BFSP1: variants seen among roughly 807,000 people sequenced by gnomAD.
BFSP1 encodes filensin.
In BFSP1, 38 loss-of-function variants were observed where a neutral mutation model predicts 43.9. The ratio of observed to expected loss-of-function variants is 0.87; its 90% CI spans 0.67 to 1.14. The LOEUF (loss-of-function observed/expected upper bound fraction) is 1.14. BFSP1 is among the 50% of genes most tolerant of loss of function. BFSP1 has a pLI of 0.00. For missense variants in BFSP1, 850 were observed against 875.1 expected (o/e 0.97, Z 0.36); for synonymous variants, 352 against 354.8 (o/e 0.99, Z 0.09).
intron 7 of BFSP1, 85 bp from the exon 8 acceptor site, chr20:17,495,114 T>G: frequency 7.6e-7 from 1 of 1,323,312 alleles, no homozygotes; most frequent in Non-Finnish European, 1.0e-6. Context: ...AGGCTAACTC[T>G]CTCGGAAACA....
chr20:17,562,740 G>A (rs1040328048), upstream of BFSP1, among the ~76,000 whole-genome samples: 11 of 152,110 alleles, frequency 7.2e-5, no homozygotes, highest in Admixed American at 2.0e-4. Flanking sequence ...CTACCATAAC[G>A]ACTAATAGAG....
In BFSP1 at chr20:17,567,256, T is replaced by C. The variant is rs114872925; in HGVS notation, n.50+1915A>G. On this transcript the variant is annotated intron_variant and non_coding_transcript_variant, in intron 1 of 6. Transcript: ENST00000473415. ...AAACTGATATATAAGTTTGATAAAT[T>C]GTAAAACATCTTCAGATACTGGTTC... Among the ~76,000 whole-genome samples, 154 of 152,296 alleles carry C rather than the reference T, an allele frequency of 1.0e-3. 1 individual carries two copies. Among genetic ancestry groups the C allele is most frequent in the African/African-American group, 3.4e-3 (142 of 41,558 alleles).
intron 4 of BFSP1, among the ~76,000 whole-genome samples, chr20:17,509,558 C>T (rs2034026099): frequency 6.6e-6 from 1 of 152,042 alleles, no homozygotes; most frequent in Non-Finnish European, 1.5e-5. Context: ...GAGCTTAGAC[C>T]TGGCTGTGCC....
intron 1 of BFSP1, among the ~76,000 whole-genome samples, chr20:17,529,185 G>T (rs2034482965): frequency 6.6e-6 from 1 of 151,810 alleles, no homozygotes; most frequent in Non-Finnish European, 1.5e-5. Flanking sequence ...TGATTCTCCT[G>T]CCTCAGCCTC....
rs575802970 is a variant in BFSP1 at position 17,522,837 on chromosome 20, C to T, written c.438+2011G>A. Among the ~76,000 whole-genome samples, 9 of 152,250 alleles carry T rather than the reference C, an allele frequency of 5.9e-5. No homozygotes were observed. The South Asian group carries it at 1.5e-3, about 25-fold the overall frequency. On this transcript the variant is annotated intron_variant, in intron 2 of 7. Coordinates refer to ENST00000377873, the MANE Select transcript of BFSP1 (RefSeq NM_001195.5). ...GATTCCATTTCACAGATGAAAAAACCGAGGCTCAGAGGGACAAGGCAATTG... is the reference window on the plus strand; with the variant it reads ...GATTCCATTTCACAGATGAAAAAACTGAGGCTCAGAGGGACAAGGCAATTG...
At chr20:17,535,871 T>G (rs1176425411), upstream of BFSP1, among the ~76,000 whole-genome samples, 1 of 152,198 alleles carries the variant, frequency 6.6e-6, no homozygotes, top group African/African-American at 2.4e-5. Flanking sequence ...GAGAATGGCT[T>G]AGCAAACTGC....
intron 5 of BFSP1, among the ~76,000 whole-genome samples, chr20:17,505,322 C>T (rs1047611303): frequency 6.6e-6 from 1 of 152,266 alleles, no homozygotes; most frequent in African/African-American, 2.4e-5. Context: ...CCGGCCCGCC[C>T]CAGAGCTCCT....
At chr20:17,552,649 A>G (rs1284411082) in intron 1 of BFSP1, among the ~76,000 whole-genome samples, 1 of 152,130 alleles carries the variant, frequency 6.6e-6, no homozygotes, top group Non-Finnish European at 1.5e-5. Flanking sequence ...AATGGAGGTA[A>G]TGAGGAGTGA....
chr20:17,561,982 G>A (rs879676102), upstream of BFSP1, among the ~76,000 whole-genome samples: 1 of 151,944 alleles, frequency 6.6e-6, no homozygotes, highest in East Asian at 2.0e-4. Flanking sequence ...GTATGACGGC[G>A]CGATCTCGGC....
At chr20:17,495,899 T>C (rs1026497993) in intron 7 of BFSP1, among the ~76,000 whole-genome samples, 4 of 150,898 alleles carry the variant, frequency 2.7e-5, no homozygotes, top group African/African-American at 7.4e-5. Flanking sequence ...TGATTCACAA[T>C]AAAAAGAGAG....
chr20:17,516,584 C>T (rs1484577274), intron 2 of BFSP1, among the ~76,000 whole-genome samples: 2 of 152,132 alleles, frequency 1.3e-5, no homozygotes. Flanking sequence ...GCCTGCATCA[C>T]AATAAATGTT....
At chr20:17,563,740 G>C (rs1012223008), upstream of BFSP1, among the ~76,000 whole-genome samples, 2 of 151,928 alleles carry the variant, frequency 1.3e-5, no homozygotes, top group Admixed American at 6.6e-5. Context: ...TTAAAAATTA[G>C]CTGGGGGCAG....
At chr20:17,541,126 G>T in intron 1 of BFSP1, 1 of 377,434 alleles carries the variant, frequency 2.6e-6, no homozygotes, top group Non-Finnish European at 3.6e-6. Flanking sequence ...GGAGTTCAAG[G>T]CTGCAGTGAG....
At chr20:17,565,796 G>C (rs2122135645) in intron 1 of BFSP1, 1 of 152,286 alleles carries the variant, frequency 6.6e-6, no homozygotes, top group East Asian at 1.9e-4. Context: ...CTACACTTGT[G>C]TCTTAGAGGA....
intron 6 of BFSP1, among the ~76,000 whole-genome samples, chr20:17,497,683 T>A (rs1490908143): frequency 6.6e-6 from 1 of 151,054 alleles, no homozygotes; most frequent in Non-Finnish European, 1.5e-5. Context: ...CATATATACA[T>A]ATACATGTAC....
chr20:17,499,133 T>C, intron 5 of BFSP1, 93 bp from the exon 6 acceptor site: 2 of 1,081,084 alleles, frequency 1.9e-6, no homozygotes, highest in Non-Finnish European at 2.8e-6. Flanking sequence ...TCGGTGAATG[T>C]TTTATGTTGT....
chr20:17,533,496 C>T (rs139799132), upstream of BFSP1, among the ~76,000 whole-genome samples: 422 of 152,336 alleles, frequency 2.8e-3, 4 homozygotes, highest in African/African-American at 9.5e-3. Flanking sequence ...GCAGGGGCTG[C>T]TCTGCTCCCA....
intron 2 of BFSP1, among the ~76,000 whole-genome samples, chr20:17,520,222 C>CG (rs377758161): frequency 1.3e-5 from 2 of 149,960 alleles, no homozygotes; most frequent in Non-Finnish European, 3.0e-5. Flanking sequence ...CCCCCCACCC[C>CG]GCCCACCTTT....
chr20:17,525,831 G>T lies in BFSP1; in HGVS notation c.378-923C>A, dbSNP rs2034407563. Among the ~76,000 whole-genome samples, 1 of 152,134 alleles carries T rather than the reference G, an allele frequency of 6.6e-6. No individual in the cohort carries two copies. The highest frequency in any genetic ancestry group is 2.1e-4 in the South Asian group (1 of 4,828). On this transcript the variant is annotated intron_variant, in intron 1 of 7. Transcript: ENST00000377873. This position sits in a 1 kb window ranked among gnomAD's most constrained non-coding sequence, Gnocchi z 4.2. ...TTTCCAGCATTCCTTGCAGCCAGGT[G>T]TGGCCATGTGACTAAGTCCTGACCA...
Sources: allele counts gnomAD v4.1 joint callset (sites outside exome capture counted in the v4.1 genomes callset), GRCh38; gene constraint gnomAD v4.1.1; non-coding constraint Gnocchi (gnomAD v3.1); transcripts MANE v1.5; gene names NCBI Gene and HGNC (gene_info 2026-07-23, HGNC 2026-07-21).